The following METAP1 variants were observed in gnomAD, a reference collection of about 807,000 sequenced individuals.
METAP1 encodes methionyl aminopeptidase 1.
METAP1 carries 28 observed loss-of-function variants against 53.8 expected under a neutral mutation model. That is an observed-to-expected ratio of 0.52 (90% confidence interval 0.39 to 0.71). The LOEUF is 0.71. Ranked by LOEUF, METAP1 falls within the 30% of genes least tolerant of loss-of-function variation. The probability of loss-of-function intolerance (pLI) is 0.00; values close to 1 mark genes in which losing one functional copy is unlikely to be tolerated. For synonymous variants in METAP1, 181 were observed against 165.7 expected (o/e 1.09, Z -0.71); for missense variants, 389 against 479.8 (o/e 0.81, Z 1.77).
At chr4:99,005,582 A>G (rs1723136732) in intron 1 of METAP1, among the ~76,000 whole-genome samples, 1 of 152,202 alleles carries the variant, frequency 6.6e-6, no homozygotes, top group Admixed American at 6.5e-5. Flanking sequence ...TATCTATCCA[A>G]AGGAAGAGAA....
intron 8 of METAP1, among the ~76,000 whole-genome samples, chr4:99,046,536 G>T (rs1216317393): frequency 1.3e-5 from 2 of 152,152 alleles, no homozygotes; most frequent in African/African-American, 4.8e-5. Context: ...TGTGCTACCT[G>T]CAATCCTCCC....
chr4:99,040,912 A>G, intron 5 of METAP1, 131 bp from the exon 6 acceptor site: 1 of 316,958 alleles, frequency 3.2e-6, no homozygotes, highest in Admixed American at 4.8e-5. Flanking sequence ...ATATATTTAT[A>G]TATTTTCTAT....
At chr4:99,060,736 A>AT (rs1381047025) in intron 10 of METAP1, among the ~76,000 whole-genome samples, 1 of 152,148 alleles carries the variant, frequency 6.6e-6, no homozygotes, top group African/African-American at 2.4e-5. Context: ...GTTGTAGCAT[A>AT]TTGCAGAATG....
intron 9 of METAP1, among the ~76,000 whole-genome samples, chr4:99,055,645 A>C (rs1271474735): frequency 2.0e-5 from 3 of 152,316 alleles, no homozygotes; most frequent in Non-Finnish European, 4.4e-5. Context: ...GAGATATGTT[A>C]CATGTTGTTT....
intron 1 of METAP1, among the ~76,000 whole-genome samples, chr4:98,997,694 G>A (rs1302172541): frequency 6.6e-6 from 1 of 152,212 alleles, no homozygotes; most frequent in African/African-American, 2.4e-5. Flanking sequence ...AAAAATGCTA[G>A]ACAAATTTGT....
chr4:99,048,789 GC>G lies in METAP1; in HGVS notation c.845del (p.Ala282GlufsTer36). The G allele has an allele frequency of 1.2e-6, 2 of 1,613,956 alleles. No homozygotes were observed. Among genetic ancestry groups the G allele is most frequent in the Non-Finnish European group, 1.7e-6 (2 of 1,179,848 alleles). On this transcript the variant is annotated frameshift_variant, in exon 9 of 11. Transcript: ENST00000296411. LOFTEE classifies it high-confidence loss of function. ...AAACATTATCCAGAAGCATGCCCAA[GC>G]AAATGGGTTTTCAGTTGTTCGAAGC... ...LGNIIQKHAQ[A>X]NGFSVVRSYC...
At chr4:99,048,968 C>T in intron 9 of METAP1, 92 bp downstream of exon 9, 1 of 1,379,618 alleles carries the variant, frequency 7.2e-7, no homozygotes, top group South Asian at 1.3e-5. Flanking sequence ...TTTGTATTCA[C>T]TAGAGTAATC....
intron 1 of METAP1, among the ~76,000 whole-genome samples, chr4:99,004,832 A>G (rs1162610262): frequency 2.0e-5 from 3 of 152,122 alleles, no homozygotes; most frequent in African/African-American, 7.2e-5. Flanking sequence ...AGATTTATCC[A>G]TGTTTCATTG....
chr4:99,034,062 G>T (rs1441494436), intron 2 of METAP1, among the ~76,000 whole-genome samples, 168 bp from the exon 3 acceptor site: 2 of 152,180 alleles, frequency 1.3e-5, no homozygotes, highest in Non-Finnish European at 2.9e-5. Context: ...AGTTGCTTTG[G>T]TGATTTAGGT....
At chr4:99,046,050 GCTGT>G (rs781310119) in intron 8 of METAP1, among the ~76,000 whole-genome samples, 3 of 152,238 alleles carry the variant, frequency 2.0e-5, no homozygotes, top group African/African-American at 4.8e-5. Context: ...TTTTTCTCAG[GCTGT>G]CTGTCTTTGT....
chr4:99,049,441 G>A (rs1726515906), intron 9 of METAP1, among the ~76,000 whole-genome samples: 1 of 152,106 alleles, frequency 6.6e-6, no homozygotes, highest in African/African-American at 2.4e-5. Flanking sequence ...CGTCTTGCTT[G>A]GTTTGAGTGT....
intron 4 of METAP1, among the ~76,000 whole-genome samples, chr4:99,037,388 T>TA (rs1019578294): frequency 2.1e-4 from 32 of 151,938 alleles, no homozygotes; most frequent in African/African-American, 4.8e-4. Flanking sequence ...GCAGAAGTTA[T>TA]AAAAAAATAT....
chr4:99,010,646 GC>G (rs1479828069), intron 1 of METAP1, among the ~76,000 whole-genome samples: 1 of 152,058 alleles, frequency 6.6e-6, no homozygotes, highest in African/African-American at 2.4e-5. Context: ...AATTGTTTTG[GC>G]TATTTGGGTC....
Position 99,048,721 on chromosome 4 carries a change from T to C in METAP1, c.788-12T>C, listed in dbSNP as rs1726459697. 1 of 1,612,704 alleles carries C rather than the reference T, an allele frequency of 6.2e-7. No homozygotes were observed. Among genetic ancestry groups the C allele is most frequent in the South Asian group, 1.1e-5 (1 of 90,972 alleles). ...TTATTAGTTTATCATGAATTTTCTT[T>C]TTTCCTTTCAGTGAAGCCTGGTGTT... is the stretch of plus-strand genomic sequence containing the variant. On this transcript the variant is annotated splice_polypyrimidine_tract_variant and intron_variant, in intron 8 of 10. Coordinates refer to ENST00000296411, the MANE Select transcript of METAP1 (RefSeq NM_015143.3).
intron 1 of METAP1, among the ~76,000 whole-genome samples, chr4:99,001,921 A>C (rs1245632036): frequency 1.3e-5 from 2 of 152,182 alleles, no homozygotes; most frequent in Non-Finnish European, 2.9e-5. Flanking sequence ...CCTACATTAC[A>C]GTAGAATTTG....
At chr4:99,013,148 G>A (rs186801125) in intron 1 of METAP1, among the ~76,000 whole-genome samples, 3 of 151,966 alleles carry the variant, frequency 2.0e-5, no homozygotes, top group Admixed American at 2.0e-4. Context: ...ACATATTTGT[G>A]GATTTTTCAC....
At chr4:99,059,755 A>C (rs550615549) in intron 10 of METAP1, among the ~76,000 whole-genome samples, 1 of 151,552 alleles carries the variant, frequency 6.6e-6, no homozygotes, top group South Asian at 2.1e-4. Context: ...CCTTTCTCTG[A>C]GTTTTCTTTC....
At chr4:99,044,561 ATT>A (rs1448640687) in intron 7 of METAP1, among the ~76,000 whole-genome samples, 3 of 152,136 alleles carry the variant, frequency 2.0e-5, no homozygotes, top group African/African-American at 7.2e-5. Context: ...AAATATCTAT[ATT>A]GTGATGTTAC....
chr4:99,025,320 A>G (rs1020667934), intron 1 of METAP1: 6 of 951,226 alleles, frequency 6.3e-6, no homozygotes, highest in Non-Finnish European at 7.5e-6. Context: ...TGGTTAGGTC[A>G]GATCTCTTTC....
Sources: gnomAD v4.1 joint callset for allele counts (sites outside exome capture counted in the v4.1 genomes callset) on GRCh38, gnomAD v4.1.1 for gene constraint, MANE v1.5 for transcripts, NCBI Gene and HGNC (gene_info 2026-07-23, HGNC 2026-07-21) for gene names.